The following ARHGAP10 variants were observed in gnomAD, a reference collection of about 807,000 sequenced individuals.
ARHGAP10 encodes rho GTPase-activating protein 10.
Under a neutral mutation model 108.6 loss-of-function variants are expected in ARHGAP10, and 87 were observed. The ratio of observed to expected loss-of-function variants is 0.80; its 90% CI spans 0.67 to 0.96. The LOEUF (loss-of-function observed/expected upper bound fraction) is 0.96. Ranked by LOEUF, ARHGAP10 falls within the 40% of genes least tolerant of loss-of-function variation. ARHGAP10 has a pLI of 0.00. For missense variants in ARHGAP10, 939 were observed against 954.5 expected (o/e 0.98, Z 0.21); for synonymous variants, 347 against 341.1 (o/e 1.02, Z -0.19).
At position 147,984,960 on chromosome 4, in the gene ARHGAP10, C is replaced by T. The variant is rs531627799; in HGVS notation, c.1716+18121C>T. Reference sequence around the variant, plus strand: ...GTCCCCCAATGGCAGGTCCGAGCATCAGCTTTGAGGGGTGGTCCAATGGGT... The same window carrying T: ...GTCCCCCAATGGCAGGTCCGAGCATTAGCTTTGAGGGGTGGTCCAATGGGT... On this transcript the variant is annotated intron_variant, in intron 18 of 22. Transcript: ENST00000336498. 7.2e-5 allele frequency among the ~76,000 whole-genome samples: 11 copies of T among 152,304 alleles called. No homozygotes were observed. The South Asian group carries it at 2.3e-3, about 32-fold the overall frequency.
chr4:147,959,216 T>G (rs952498316), intron 16 of ARHGAP10, among the ~76,000 whole-genome samples: 2 of 152,064 alleles, frequency 1.3e-5, no homozygotes, highest in African/African-American at 4.8e-5. Flanking sequence ...AATGGTTTTA[T>G]TTAAAAAGCC....
intron 5 of ARHGAP10, chr4:147,861,870 T>C (rs1238101295): frequency 6.6e-6 from 1 of 152,144 alleles, no homozygotes; most frequent in Non-Finnish European, 1.5e-5. Context: ...TGCGCAGCCA[T>C]GAGTGGGCCT....
At chr4:148,057,915 T>C (rs1338710245) in intron 20 of ARHGAP10, among the ~76,000 whole-genome samples, 1 of 152,180 alleles carries the variant, frequency 6.6e-6, no homozygotes, top group African/African-American at 2.4e-5. Context: ...CTCCGAACCT[T>C]CCTGATGGGC....
chr4:147,978,459 G>C (rs1739684240), intron 18 of ARHGAP10, among the ~76,000 whole-genome samples: 1 of 152,190 alleles, frequency 6.6e-6, no homozygotes, highest in African/African-American at 2.4e-5. Flanking sequence ...GAGGGACTTA[G>C]TGGGAGGTGA....
At chr4:147,742,336 A>G in intron 1 of ARHGAP10, among the ~76,000 whole-genome samples, 1 of 152,028 alleles carries the variant, frequency 6.6e-6, no homozygotes, top group East Asian at 1.9e-4. Flanking sequence ...ATTACATATT[A>G]AAAGATCTTA....
chr4:147,781,080 C>T (rs1394118293), intron 1 of ARHGAP10, among the ~76,000 whole-genome samples: 4 of 152,132 alleles, frequency 2.6e-5, no homozygotes, highest in Admixed American at 6.6e-5. Context: ...CTGGCGGGGC[C>T]GGGCAAGGTG....
intron 18 of ARHGAP10, among the ~76,000 whole-genome samples, chr4:148,013,224 T>C (rs1470006083): frequency 6.6e-6 from 1 of 152,130 alleles, no homozygotes; most frequent in African/African-American, 2.4e-5. Flanking sequence ...GAAATGCAAA[T>C]GGAAAAAAGA....
intron 3 of ARHGAP10, among the ~76,000 whole-genome samples, chr4:147,845,558 T>A (rs1457232650): frequency 6.6e-6 from 1 of 152,232 alleles, no homozygotes; most frequent in Non-Finnish European, 1.5e-5. Context: ...GGCCCAGACC[T>A]ACATGACTTG....
intron 20 of ARHGAP10, among the ~76,000 whole-genome samples, chr4:148,053,081 A>C (rs956782109): frequency 6.6e-6 from 1 of 152,148 alleles, no homozygotes; most frequent in Non-Finnish European, 1.5e-5. Flanking sequence ...TTTCATCTTA[A>C]TGCTTGCATC....
intron 19 of ARHGAP10, among the ~76,000 whole-genome samples, chr4:148,034,175 C>T (rs1291510083): frequency 6.6e-6 from 1 of 152,112 alleles, no homozygotes; most frequent in Non-Finnish European, 1.5e-5. Flanking sequence ...TCTTGAGAGC[C>T]TGATATCTGA....
chr4:147,964,734 G>A (rs1289651945), intron 16 of ARHGAP10, among the ~76,000 whole-genome samples: 3 of 152,150 alleles, frequency 2.0e-5, no homozygotes, highest in African/African-American at 7.2e-5. Flanking sequence ...ATGTCAGAAG[G>A]AGAAGCTTAG....
chr4:147,770,245 G>A (rs976304066), intron 1 of ARHGAP10, among the ~76,000 whole-genome samples: 4 of 152,156 alleles, frequency 2.6e-5, no homozygotes, highest in African/African-American at 9.7e-5. Flanking sequence ...AGAAATGATA[G>A]CCTGTGGTCA....
chr4:147,857,596 G>C lies in ARHGAP10; in HGVS notation c.428G>C (p.Ser143Thr), dbSNP rs146024674. ...GACAAAGAGACAGAAAAGAATTATA[G>C]TCTAATTGATAAACATTTGAATTTA... ...KFDKETEKNY[S>T]LIDKHLNLSA... Residue 143 changes from serine (S) to threonine (T), a missense_variant, in exon 5 of 23, where the codon AGT becomes ACT. Coordinates refer to ENST00000336498, the MANE Select transcript of ARHGAP10 (RefSeq NM_024605.4). 3.8e-5 allele frequency: 56 copies of C among 1,483,576 alleles called. No homozygotes were observed. Among genetic ancestry groups the C allele is most frequent in the Admixed American group, 1.1e-4 (4 of 37,818 alleles). The allele number at this position is 1,483,576 out of a possible 1,614,324, so 91.9% of individuals were successfully genotyped here.
intron 10 of ARHGAP10, among the ~76,000 whole-genome samples, chr4:147,903,214 T>A (rs1388081203): frequency 6.6e-6 from 1 of 152,200 alleles, no homozygotes; most frequent in Non-Finnish European, 1.5e-5. Flanking sequence ...AGGAGGCTGA[T>A]CTTAGCTCCT....
chr4:147,825,612 AG>A (rs1732676721), intron 3 of ARHGAP10, among the ~76,000 whole-genome samples: 1 of 152,200 alleles, frequency 6.6e-6, no homozygotes, highest in South Asian at 2.1e-4. Flanking sequence ...TGACAGATAC[AG>A]TCATTATTCA....
chr4:147,911,538 A>AT (rs1272084195), intron 12 of ARHGAP10, among the ~76,000 whole-genome samples: 1 of 152,074 alleles, frequency 6.6e-6, no homozygotes, highest in Non-Finnish European at 1.5e-5. Context: ...AATTTATTGT[A>AT]TTTTTAGTAG....
At position 147,837,643 on chromosome 4, in the gene ARHGAP10, G is replaced by GTTTTTTTTTTTTTTT. The variant is rs59933316; in HGVS notation, c.313-9503_313-9489dup. On this transcript the variant is annotated intron_variant, in intron 3 of 22. Coordinates refer to ENST00000336498, the MANE Select transcript of ARHGAP10 (RefSeq NM_024605.4). ...CACCTCGCTAGAATCTCTGGTCACT[G>GTTTTTTTTTTTTTTT]TTTTTTTTTTTTTTTTTTTAAAGCA... Among the ~76,000 whole-genome samples, 122 of 70,220 alleles carry GTTTTTTTTTTTTTTT rather than the reference G, an allele frequency of 1.7e-3. 15 individuals carry two copies. Among genetic ancestry groups the GTTTTTTTTTTTTTTT allele is most frequent in the African/African-American group, 3.9e-3 (99 of 25,486 alleles). The allele number at this position is 70,220 out of a possible 152,430, so 46.1% of individuals were successfully genotyped here. A position where few individuals can be genotyped will look rare whatever the true frequency, so the allele number is the denominator to read the frequency against.
intron 10 of ARHGAP10, among the ~76,000 whole-genome samples, chr4:147,902,354 A>G (rs889781980): frequency 6.6e-6 from 1 of 152,222 alleles, no homozygotes; most frequent in African/African-American, 2.4e-5. Context: ...CACTTAGGAT[A>G]AATTAAATCC....
intron 1 of ARHGAP10, among the ~76,000 whole-genome samples, chr4:147,801,689 G>A (rs1731587890): frequency 6.6e-6 from 1 of 152,210 alleles, no homozygotes; most frequent in South Asian, 2.1e-4. Flanking sequence ...AGAATATAAT[G>A]AAGGTTGGTG....
Sources: allele counts gnomAD v4.1 joint callset (sites outside exome capture counted in the v4.1 genomes callset), GRCh38; gene constraint gnomAD v4.1.1; transcripts MANE v1.5; gene names NCBI Gene and HGNC (gene_info 2026-07-23, HGNC 2026-07-21).